Variants in RHBDD1 observed in about 807,000 individuals in gnomAD.
RHBDD1 encodes rhomboid domain containing 1.
Under a neutral mutation model 36.3 loss-of-function variants are expected in RHBDD1, and 38 were observed. The ratio of observed to expected loss-of-function variants is 1.05; its 90% confidence interval spans 0.81 to 1.37. RHBDD1 has a LOEUF of 1.37. Ranked by LOEUF, RHBDD1 falls within the 40% of genes most tolerant of loss-of-function variation. The pLI, the probability that RHBDD1 is intolerant of heterozygous loss-of-function variation, is 0.00. For missense variants in RHBDD1, 393 were observed against 377.6 expected (o/e 1.04, Z -0.34); for synonymous variants, 151 against 136.5 (o/e 1.11, Z -0.74).
chr2:226,819,463 A>G, the RHBDD1 span, among the ~76,000 whole-genome samples: 1 of 152,230 alleles, frequency 6.6e-6, no homozygotes, highest in Non-Finnish European at 1.5e-5. Context: ...AACCATTTTA[A>G]AAACCACTCT....
intron 8 of RHBDD1, among the ~76,000 whole-genome samples, chr2:226,942,954 C>G (rs546765993): frequency 1.6e-4 from 24 of 152,134 alleles, no homozygotes; most frequent in African/African-American, 5.6e-4. Context: ...TGAGAATTTC[C>G]GCTGTTGTCC....
chr2:226,845,204 A>G (rs950801541), intron 3 of RHBDD1, among the ~76,000 whole-genome samples: 4 of 152,384 alleles, frequency 2.6e-5, no homozygotes, highest in African/African-American at 4.8e-5. Flanking sequence ...TAATCACACT[A>G]TGCAGTTTTA....
At chr2:226,809,654 A>G in the RHBDD1 span, among the ~76,000 whole-genome samples, 3 of 152,200 alleles carry the variant, frequency 2.0e-5, no homozygotes, top group Admixed American at 6.5e-5. Flanking sequence ...AGACACTCAT[A>G]TTAATAGGAA....
intron 5 of RHBDD1, among the ~76,000 whole-genome samples, chr2:226,886,253 A>G (rs1946191323): frequency 6.6e-6 from 1 of 152,192 alleles, no homozygotes; most frequent in Non-Finnish European, 1.5e-5. Context: ...AGTGCTTGGT[A>G]CATTGTAGTT....
chr2:226,837,809 C>T (rs1941139889), intron 1 of RHBDD1: 1 of 152,256 alleles, frequency 6.6e-6, no homozygotes, highest in African/African-American at 2.4e-5. Flanking sequence ...GTTATACCTT[C>T]TTTGACCCAG....
chr2:226,832,788 A>G (rs1940774524), upstream of RHBDD1, among the ~76,000 whole-genome samples: 1 of 152,180 alleles, frequency 6.6e-6, no homozygotes, highest in African/African-American at 2.4e-5. Context: ...CAGGTGGATC[A>G]CATCAGGTCA....
At chr2:226,848,218 A>G (rs1942426481) in intron 3 of RHBDD1, among the ~76,000 whole-genome samples, 1 of 152,224 alleles carries the variant, frequency 6.6e-6, no homozygotes, top group African/African-American at 2.4e-5. Flanking sequence ...TATGCTATGT[A>G]GATCTACAAA....
intron 8 of RHBDD1, among the ~76,000 whole-genome samples, chr2:226,924,561 T>G (rs1949545290): frequency 6.6e-6 from 1 of 152,218 alleles, no homozygotes; most frequent in African/African-American, 2.4e-5. Flanking sequence ...CCACTGGCTC[T>G]GAGCCCAGCA....
chr2:226,812,516 C>A, the RHBDD1 span, among the ~76,000 whole-genome samples: 1 of 152,166 alleles, frequency 6.6e-6, no homozygotes. Context: ...TTTATACTAC[C>A]TTTACATATT....
chr2:226,973,200 A>G (rs1460759181), intron 8 of RHBDD1, among the ~76,000 whole-genome samples: 1 of 152,206 alleles, frequency 6.6e-6, no homozygotes, highest in Non-Finnish European at 1.5e-5. Context: ...TCCTTAAATG[A>G]TCTTCTTCCA....
intron 7 of RHBDD1, among the ~76,000 whole-genome samples, chr2:226,913,239 C>T (rs1041464782): frequency 2.0e-5 from 3 of 152,128 alleles, no homozygotes; most frequent in Non-Finnish European, 2.9e-5. Context: ...GTCACAAAGA[C>T]TCATAGCAAA....
At chr2:226,894,204 G>C (rs1946908157) in intron 5 of RHBDD1, among the ~76,000 whole-genome samples, 1 of 152,168 alleles carries the variant, frequency 6.6e-6, no homozygotes, top group African/African-American at 2.4e-5. Context: ...ACACAGAGGT[G>C]CAAGCTAAGG....
intron 8 of RHBDD1, among the ~76,000 whole-genome samples, chr2:226,970,820 T>C (rs528985973): frequency 6.6e-6 from 1 of 152,350 alleles, no homozygotes; most frequent in African/African-American, 2.4e-5. Context: ...AAGGCAATCT[T>C]GGCAGCTGGT....
chr2:226,915,870 A>C (rs192159804), intron 8 of RHBDD1, among the ~76,000 whole-genome samples: 6 of 152,316 alleles, frequency 3.9e-5, no homozygotes, highest in Non-Finnish European at 5.9e-5. Flanking sequence ...TTAAAACAGT[A>C]AACATTTGTT....
intron 5 of RHBDD1, among the ~76,000 whole-genome samples, chr2:226,902,401 C>G (rs76880120): frequency 6.6e-6 from 1 of 152,296 alleles, no homozygotes; most frequent in African/African-American, 2.4e-5. Flanking sequence ...GTGCCCTAAC[C>G]CTAGGACTGG....
the RHBDD1 span, among the ~76,000 whole-genome samples, chr2:226,801,848 A>G: frequency 2.0e-5 from 3 of 152,120 alleles, no homozygotes; most frequent in South Asian, 4.1e-4. Flanking sequence ...GAGATTATAA[A>G]AGGGTTGTTT....
intron 8 of RHBDD1, among the ~76,000 whole-genome samples, chr2:226,982,821 G>T (rs1226757458): frequency 6.6e-6 from 1 of 152,206 alleles, no homozygotes; most frequent in Non-Finnish European, 1.5e-5. Context: ...GGATCCAGAG[G>T]TGAATTCCCT....
upstream of RHBDD1, among the ~76,000 whole-genome samples, chr2:226,833,956 T>A (rs1940806797): frequency 6.6e-6 from 1 of 152,232 alleles, no homozygotes; most frequent in African/African-American, 2.4e-5. Context: ...AGGTCATTTT[T>A]TAAAAGGTAG....
In RHBDD1 at chr2:226,998,829, C is replaced by G. The variant is rs975845626; in HGVS notation, c.*3307C>G. ...CATTAGCCTCAACAGTGGGCTTCAA[C>G]CAGCCTTTGGACCTCAGCCCCATTT... On this transcript the variant is annotated 3_prime_UTR_variant, in exon 9 of 9. Coordinates refer to ENST00000392062, the MANE Select transcript of RHBDD1 (RefSeq NM_001167608.3). 1 of 152,190 alleles carries G rather than the reference C, an allele frequency of 6.6e-6. No homozygotes were observed. Among genetic ancestry groups the G allele is most frequent in the Non-Finnish European group, 1.5e-5 (1 of 68,038 alleles). 9.4% of individuals were successfully genotyped at this position (152,190 alleles called of 1,614,324 possible).
Sources: allele counts gnomAD v4.1 joint callset (sites outside exome capture counted in the v4.1 genomes callset), GRCh38; gene constraint gnomAD v4.1.1; transcripts MANE v1.5; gene names NCBI Gene and HGNC (gene_info 2026-07-23, HGNC 2026-07-21).